Variants in PRELID2 observed in about 807,000 individuals in gnomAD.
PRELID2 encodes the protein PRELI domain-containing protein 2.
Under a neutral mutation model 28.4 loss-of-function variants are expected in PRELID2, and 25 were observed. The observed-to-expected ratio is 0.88, with a 90% CI of 0.64 to 1.23. The LOEUF (loss-of-function observed/expected upper bound fraction) is 1.23. Among genes scored for constraint, PRELID2 ranks in the 50% most tolerant of loss-of-function variants. The pLI is 0.00. For missense variants in PRELID2, 201 were observed against 214.4 expected (o/e 0.94, Z 0.39); for synonymous variants, 76 against 71.6 (o/e 1.06, Z -0.31).
chr5:145,488,071 C>A (rs1339674639), intron 1 of PRELID2, among the ~76,000 whole-genome samples: 1 of 144,700 alleles, frequency 6.9e-6, no homozygotes, highest in Non-Finnish European at 1.5e-5. Flanking sequence ...TTGCAGTGAG[C>A]CGAGATCACA....
At chr5:145,414,010 G>A in the PRELID2 span, among the ~76,000 whole-genome samples, 1 of 152,100 alleles carries the variant, frequency 6.6e-6, no homozygotes, top group Non-Finnish European at 1.5e-5. Flanking sequence ...ATTGCTCTAA[G>A]AAAAGGGAGA....
intron 1 of PRELID2, among the ~76,000 whole-genome samples, chr5:145,474,341 T>C (rs1752080818): frequency 6.6e-6 from 1 of 152,196 alleles, no homozygotes; most frequent in Non-Finnish European, 1.5e-5. Flanking sequence ...AATCATTTTA[T>C]AAAACTAGAA....
chr5:145,538,460 A>C (rs1752720446), intron 1 of PRELID2, among the ~76,000 whole-genome samples: 1 of 151,930 alleles, frequency 6.6e-6, no homozygotes, highest in South Asian at 2.1e-4. Context: ...GTAATTCCTA[A>C]GTCACACCAG....
At chr5:145,834,999 C>T in intron 1 of PRELID2, 178 bp downstream of exon 1, 1 of 517,158 alleles carries the variant, frequency 1.9e-6, no homozygotes. Context: ...GGCCCCTTTT[C>T]CCGCTCCCTG....
At chr5:145,327,165 T>C in the PRELID2 span, among the ~76,000 whole-genome samples, 3 of 152,278 alleles carry the variant, frequency 2.0e-5, no homozygotes, top group Admixed American at 6.5e-5. Flanking sequence ...GTCCACTGTT[T>C]TTTTACTGAC....
the PRELID2 span, among the ~76,000 whole-genome samples, chr5:145,404,163 C>T: frequency 1.3e-5 from 2 of 152,162 alleles, no homozygotes; most frequent in Non-Finnish European, 2.9e-5. Context: ...TCACCACTAC[C>T]GAATGGTGTA....
chr5:145,507,798 T>G (rs1480709883), intron 1 of PRELID2, among the ~76,000 whole-genome samples: 1 of 152,212 alleles, frequency 6.6e-6, no homozygotes, highest in Non-Finnish European at 1.5e-5. Flanking sequence ...TTTGGAGACA[T>G]GGAGCCAGAT....
At chr5:145,353,009 G>GT in the PRELID2 span, among the ~76,000 whole-genome samples, 1 of 152,022 alleles carries the variant, frequency 6.6e-6, no homozygotes, top group Non-Finnish European at 1.5e-5. Context: ...ACTTTCCCAC[G>GT]TTTTCCTATC....
At chr5:145,565,660 A>C (rs1181434126) in intron 1 of PRELID2, among the ~76,000 whole-genome samples, 1 of 152,202 alleles carries the variant, frequency 6.6e-6, no homozygotes, top group Non-Finnish European at 1.5e-5. Flanking sequence ...CAAAAATAGA[A>C]ATTTACTGGG....
chr5:145,504,470 C>A (rs1752389279), intron 1 of PRELID2, among the ~76,000 whole-genome samples: 1 of 152,136 alleles, frequency 6.6e-6, no homozygotes, highest in African/African-American at 2.4e-5. Flanking sequence ...TTTCTAGAAA[C>A]ATTTTATCTT....
At chr5:145,292,206 C>T in the PRELID2 span, among the ~76,000 whole-genome samples, 5 of 152,204 alleles carry the variant, frequency 3.3e-5, no homozygotes, top group Middle Eastern at 3.4e-3. Context: ...AACTCCCTTT[C>T]GAGTCACAGA....
rs147783950 is a variant in PRELID2 at position 145,640,882 on chromosome 5, AGT to A, written n.70+124047_70+124048del. Among the ~76,000 whole-genome samples, 260 of 152,326 alleles carry A rather than the reference AGT, an allele frequency of 1.7e-3. 2 individuals are homozygous for A. Among genetic ancestry groups the A allele is most frequent in the Non-Finnish European group, 2.6e-3 (178 of 68,018 alleles). On this transcript the variant is annotated intron_variant and non_coding_transcript_variant, in intron 1 of 2. Transcript: ENST00000510259. Reference sequence around the variant, plus strand: ...ATATATGACAACATGATATATGATGAGTGTGGCATTACAAATCAAGGGAGGAA... The same window carrying A: ...ATATATGACAACATGATATATGATGAGTGGCATTACAAATCAAGGGAGGAA...
At chr5:145,697,959 G>A (rs1173966799) in intron 1 of PRELID2, among the ~76,000 whole-genome samples, 1 of 151,624 alleles carries the variant, frequency 6.6e-6, no homozygotes, top group Non-Finnish European at 1.5e-5. Context: ...GCTTACATAT[G>A]AGAACTGTGA....
chr5:145,452,294 T>C, the PRELID2 span, among the ~76,000 whole-genome samples: 2 of 152,200 alleles, frequency 1.3e-5, no homozygotes, highest in African/African-American at 4.8e-5. Context: ...TTTTTTATGA[T>C]CTGTTTCCAC....
chr5:145,649,914 T>C (rs943845230), intron 1 of PRELID2, among the ~76,000 whole-genome samples: 1 of 152,222 alleles, frequency 6.6e-6, no homozygotes. Flanking sequence ...TATCTCTTGT[T>C]TGTTTCTTGT....
chr5:145,387,064 G>T, the PRELID2 span, among the ~76,000 whole-genome samples: 2 of 152,048 alleles, frequency 1.3e-5, no homozygotes, highest in African/African-American at 4.8e-5. Context: ...TAAATTAATA[G>T]TAGTCAATAA....
chr5:145,503,271 C>A (rs917266813), intron 1 of PRELID2, among the ~76,000 whole-genome samples: 1 of 152,122 alleles, frequency 6.6e-6, no homozygotes, highest in African/African-American at 2.4e-5. Context: ...ATCCTCTGAG[C>A]AACTGTAAGA....
chr5:145,327,859 A>C, the PRELID2 span, among the ~76,000 whole-genome samples: 19 of 152,058 alleles, frequency 1.2e-4, no homozygotes, highest in Non-Finnish European at 2.5e-4. Context: ...AAATATAAAC[A>C]TGCCATGGTG....
the PRELID2 span, among the ~76,000 whole-genome samples, chr5:145,314,818 G>A: frequency 1.3e-5 from 2 of 151,812 alleles, no homozygotes; most frequent in African/African-American, 4.8e-5. Flanking sequence ...ATTCATATCT[G>A]AGATTCTGAC....
Sources: allele counts gnomAD v4.1 joint callset (sites outside exome capture counted in the v4.1 genomes callset), GRCh38; gene constraint gnomAD v4.1.1; transcripts MANE v1.5; gene names NCBI Gene and HGNC (gene_info 2026-07-23, HGNC 2026-07-21).